Variants in PHAF1 observed in about 807,000 individuals in gnomAD.
PHAF1 encodes phagosome assembly factor 1.
PHAF1 carries 23 observed loss-of-function variants against 63.1 expected under a neutral mutation model. That is an observed-to-expected ratio of 0.36 (90% CI 0.26 to 0.52). The LOEUF (loss-of-function observed/expected upper bound fraction) is 0.52. PHAF1 is among the 20% of genes least tolerant of loss of function. The probability of loss-of-function intolerance (pLI) is 0.93; values close to 1 mark genes in which losing one functional copy is unlikely to be tolerated. For synonymous variants in PHAF1, 167 were observed against 185.0 expected (o/e 0.90, Z 0.79); for missense variants, 427 against 517.2 (o/e 0.83, Z 1.69).
intron 10 of PHAF1, among the ~76,000 whole-genome samples, chr16:67,143,470 A>C (rs891829775): frequency 1.3e-5 from 2 of 152,166 alleles, no homozygotes; most frequent in African/African-American, 4.8e-5. Flanking sequence ...CTGAGTCTGC[A>C]TCCTCGGATT....
At chr16:67,111,666 G>T (rs1962519840) in intron 1 of PHAF1, among the ~76,000 whole-genome samples, 1 of 152,206 alleles carries the variant, frequency 6.6e-6, no homozygotes, top group Admixed American at 6.5e-5. Flanking sequence ...TGTTGCCCAG[G>T]TTGGAGTGCA....
intron 10 of PHAF1, among the ~76,000 whole-genome samples, chr16:67,142,222 C>T (rs879718436): frequency 6.6e-6 from 1 of 152,210 alleles, no homozygotes; most frequent in Non-Finnish European, 1.5e-5. Context: ...GTAGCTTCTT[C>T]CCACAGTTGG....
chr16:67,146,269 TG>T lies in PHAF1; in HGVS notation c.1110-7del. 1 of 1,612,574 alleles carries T rather than the reference TG, an allele frequency of 6.2e-7. No individual in the cohort carries two copies. Among genetic ancestry groups the T allele is most frequent in the Non-Finnish European group, 8.5e-7 (1 of 1,178,634 alleles). ...TCTGCCTCTCTAATTCTGAATTCTTTGGCCTCAGGTCTTCCTCCCCAAACAA... is the reference window on the plus strand; with the variant it reads ...TCTGCCTCTCTAATTCTGAATTCTTTGCCTCAGGTCTTCCTCCCCAAACAA... On this transcript the variant is annotated splice_polypyrimidine_tract_variant and splice_region_variant and intron_variant, in intron 14 of 15. Transcript: ENST00000219139.
chr16:67,115,675 C>T (rs1489834392), intron 1 of PHAF1, among the ~76,000 whole-genome samples: 2 of 152,168 alleles, frequency 1.3e-5, no homozygotes, highest in Non-Finnish European at 2.9e-5. Context: ...TGTTTCTTTG[C>T]CATTCATATA....
At chr16:67,123,097 T>C (rs1963050223) in intron 2 of PHAF1, among the ~76,000 whole-genome samples, 1 of 151,696 alleles carries the variant, frequency 6.6e-6, no homozygotes, top group Non-Finnish European at 1.5e-5. Context: ...GCTTTTTTTT[T>C]TTTTTTTGAA....
At chr16:67,144,442 G>A in intron 11 of PHAF1, 66 bp downstream of exon 11, 1 of 1,215,316 alleles carries the variant, frequency 8.2e-7, no homozygotes. Context: ...CCAGGAAAGA[G>A]CTTTTGGCTT....
chr16:67,123,460 C>G (rs1334513635), intron 2 of PHAF1, among the ~76,000 whole-genome samples: 1 of 151,936 alleles, frequency 6.6e-6, no homozygotes, highest in Non-Finnish European at 1.5e-5. Flanking sequence ...ACCTGTAATC[C>G]CAGCTACTGG....
At chr16:67,146,749 C>T (rs1171257912) in intron 15 of PHAF1, among the ~76,000 whole-genome samples, 1 of 152,184 alleles carries the variant, frequency 6.6e-6, no homozygotes, top group Non-Finnish European at 1.5e-5. Context: ...GCCCTGCTGA[C>T]TTGGGAGAAC....
At chr16:67,140,227 T>C (rs1323766700) in intron 9 of PHAF1, 110 bp downstream of exon 9, 4 of 1,355,760 alleles carry the variant, frequency 3.0e-6, no homozygotes, top group Non-Finnish European at 4.0e-6. Context: ...GTAAAGCTAA[T>C]GGTAAAGTAA....
At position 67,125,911 on chromosome 16, in the gene PHAF1, T is replaced by TA. The variant is rs759643529; in HGVS notation, c.148-47dup. On this transcript the variant is annotated intron_variant, in intron 2 of 15. Transcript: ENST00000219139. ...TATTGTAAGGCTTTCAGTAGGTGCT[T>TA]AGTGAATAAATCAGTTACTCAGAAT... The TA allele has an allele frequency of 3.8e-6, 5 of 1,332,046 alleles. No individual in the cohort carries two copies. In the Admixed American group the frequency reaches 6.7e-5, roughly 18 times the overall value. 82.5% of individuals were successfully genotyped at this position (1,332,046 alleles called of 1,614,324 possible). A position where few individuals can be genotyped will look rare whatever the true frequency, so the allele number is the denominator to read the frequency against.
chr16:67,110,407 G>T (rs949892000), intron 1 of PHAF1, among the ~76,000 whole-genome samples, 168 bp downstream of exon 1: 3 of 152,012 alleles, frequency 2.0e-5, no homozygotes, highest in Admixed American at 6.6e-5. Context: ...CAACTGGCCC[G>T]ATTTGCCTGT....
At chr16:67,110,819 CT>C (rs991162143) in intron 1 of PHAF1, among the ~76,000 whole-genome samples, 4 of 150,898 alleles carry the variant, frequency 2.7e-5, no homozygotes, top group African/African-American at 9.7e-5. Context: ...TCTTTTTTTT[CT>C]TTTTTTTTGA....
intron 2 of PHAF1, among the ~76,000 whole-genome samples, chr16:67,124,280 A>T (rs1251930027): frequency 6.6e-6 from 1 of 152,254 alleles, no homozygotes. Flanking sequence ...TGGTAATCCA[A>T]GGTCATAGTT....
At position 67,144,214 on chromosome 16, in the gene PHAF1, A is replaced by G. The variant is rs1963909123; in HGVS notation, c.880-80A>G. On this transcript the variant is annotated intron_variant, in intron 10 of 15. Transcript: ENST00000219139. ...TGCTGTGGAGTGCACTGGATGTCCC[A>G]AGTTGGACATGCCTTTGGAAAGGCC... 1.0e-5 allele frequency: 10 copies of G among 998,278 alleles called. No homozygotes were observed. The South Asian group carries it at 1.4e-4, about 14-fold the overall frequency. The allele number at this position is 998,278 out of a possible 1,614,324, so 61.8% of individuals were successfully genotyped here.
chr16:67,144,088 T>G (rs778730848), intron 10 of PHAF1, among the ~76,000 whole-genome samples: 1 of 151,924 alleles, frequency 6.6e-6, no homozygotes, highest in Non-Finnish European at 1.5e-5. Context: ...CATGACAGAG[T>G]GAGACTCCAT....
rs778138583 is a variant in PHAF1, at chr16:67,134,177, G to T, written c.460G>T (p.Ala154Ser). 2 of 1,613,814 alleles carry T rather than the reference G, an allele frequency of 1.2e-6. No individual in the cohort carries two copies. The highest frequency in any genetic ancestry group is 2.2e-5 in the East Asian group (1 of 44,872). The stretch of plus-strand genomic sequence containing the variant: ...TGACCTTTGTTTGCAGCCCAATTTT[G>T]CCCATGGCCTGGCTTCTCTCCAGAT... ...TEAPKYEPNF[A>S]HGLASLQIPH... The change falls in exon 7 of 16, where the codon GCC (alanine) becomes TCC (serine). Residue 154 changes from alanine to serine, a missense_variant. Coordinates refer to ENST00000219139, the MANE Select transcript of PHAF1 (RefSeq NM_025187.5).
chr16:67,121,197 T>G (rs948136250), intron 2 of PHAF1, among the ~76,000 whole-genome samples: 3 of 140,710 alleles, frequency 2.1e-5, no homozygotes, highest in African/African-American at 8.0e-5. Flanking sequence ...GGGGTTTCTT[T>G]TTTTTTTTTT....
intron 3 of PHAF1, among the ~76,000 whole-genome samples, chr16:67,127,668 C>T (rs905891260): frequency 3.9e-5 from 6 of 151,968 alleles, no homozygotes; most frequent in African/African-American, 1.2e-4. Flanking sequence ...TGGTGGCAGG[C>T]GCCTGTAGTC....
At chr16:67,133,832 C>G (rs1963507480) in intron 6 of PHAF1, among the ~76,000 whole-genome samples, 4 of 151,554 alleles carry the variant, frequency 2.6e-5, no homozygotes. Flanking sequence ...GTAGTCCCAG[C>G]TACTCAGGAA....
Sources: gnomAD v4.1 joint callset for allele counts (sites outside exome capture counted in the v4.1 genomes callset) on GRCh38, gnomAD v4.1.1 for gene constraint, MANE v1.5 for transcripts, NCBI Gene and HGNC (gene_info 2026-07-23, HGNC 2026-07-21) for gene names.